Variants in EPN2 observed in about 807,000 individuals in gnomAD.
EPN2 encodes epsin 2.
A neutral mutation model predicts 61.7 loss-of-function variants in EPN2; 34 were observed. The observed-to-expected ratio is 0.55, with a 90% CI of 0.42 to 0.73. The LOEUF is 0.73. Among genes scored for constraint, EPN2 ranks in the 30% least tolerant of loss-of-function variants. The pLI is 0.00. For missense variants in EPN2, 714 were observed against 839.2 expected (o/e 0.85, Z 1.84); for synonymous variants, 349 against 353.6 (o/e 0.99, Z 0.15).
At position 19,283,557 on chromosome 17, in the gene EPN2, G is replaced by C; in HGVS notation, c.438G>C (p.Gln146His). The change falls in exon 3 of 11, where the codon CAG becomes CAC. Residue 146 changes from glutamine to histidine, a missense_variant. By Grantham distance (24) the Gln-to-His change is conservative. Coordinates refer to ENST00000314728, the MANE Select transcript of EPN2 (RefSeq NM_014964.5). This position sits in a 1 kb window ranked among gnomAD's most constrained non-coding sequence, Gnocchi z 7.0. ...DEERLKAERA[Q>H]ALKTKERMAQ... The stretch of plus-strand genomic sequence containing the variant: ...AACGGTTGAAGGCTGAGAGGGCCCA[G>C]GCTCTCAAAACCAAAGAGCGCATGG... 6.2e-7 allele frequency: 1 copy of C among 1,614,222 alleles called. No individual in the cohort carries two copies. The highest frequency in any genetic ancestry group is 8.5e-7 in the Non-Finnish European group (1 of 1,180,034).
rs183569765 is a variant in EPN2 at position 19,262,745 on chromosome 17, C to T, written c.-293-19210C>T. ...TGTACCCATTAAGCAGTCATTTCCC[C>T]TCCCATTCTCTCCAGCCCCTGGCAA... On this transcript the variant is annotated intron_variant, in intron 1 of 10. Coordinates refer to ENST00000314728, the MANE Select transcript of EPN2 (RefSeq NM_014964.5). Among the ~76,000 whole-genome samples the T allele has an allele frequency of 2.5e-3, 380 of 151,486 alleles. 4 individuals carry two copies. Among genetic ancestry groups the T allele is most frequent in the Admixed American group, 3.0e-3 (46 of 15,116 alleles).
intron 1 of EPN2, chr17:19,249,666 C>T (rs1203401910): frequency 6.6e-6 from 1 of 152,302 alleles, no homozygotes; most frequent in Non-Finnish European, 1.5e-5. Context: ...GTGGATTGAG[C>T]TCACAGATGT....
At chr17:19,331,729 C>A in intron 9 of EPN2, 124 bp from the exon 10 acceptor site, 1 of 753,844 alleles carries the variant, frequency 1.3e-6, no homozygotes, top group South Asian at 1.6e-5. Flanking sequence ...CCATGACTGG[C>A]TGTGTGTCGT....
intron 1 of EPN2, chr17:19,271,431 G>A (rs1486150429): frequency 1.3e-5 from 2 of 152,278 alleles, no homozygotes; most frequent in African/African-American, 4.8e-5. Flanking sequence ...TGCAGCATGT[G>A]GGTGGCACAT....
intron 4 of EPN2, among the ~76,000 whole-genome samples, chr17:19,295,900 C>T (rs1278816215): frequency 1.3e-5 from 2 of 152,172 alleles, no homozygotes; most frequent in African/African-American, 4.8e-5. Flanking sequence ...GGCTCTTCCT[C>T]CCCTCTCCCC....
intron 10 of EPN2, among the ~76,000 whole-genome samples, chr17:19,332,818 C>G (rs781074760): frequency 6.6e-6 from 1 of 152,244 alleles, no homozygotes; most frequent in Non-Finnish European, 1.5e-5. Context: ...CACCCAGCCC[C>G]CTTCCTCACG....
intron 1 of EPN2, among the ~76,000 whole-genome samples, chr17:19,239,631 C>G (rs2044861064): frequency 2.0e-5 from 3 of 152,190 alleles, no homozygotes; most frequent in Non-Finnish European, 4.4e-5. Context: ...AGGCATGATT[C>G]AGGACTGCGT....
chr17:19,335,274 C>A lies in EPN2; in HGVS notation c.*1020C>A. ...AATTACTAAACTGATTGACTTTCAG[C>A]CTTTTTGGCTAGATCCTGAGAGGCT... On this transcript the variant is annotated 3_prime_UTR_variant, in exon 11 of 11. Transcript: ENST00000314728. 3 of 856,400 alleles carry A rather than the reference C, an allele frequency of 3.5e-6. No homozygotes were observed. The highest frequency in any genetic ancestry group is 5.2e-6 in the Non-Finnish European group (3 of 579,228). The allele number at this position is 856,400 out of a possible 1,614,324, so 53.1% of individuals were successfully genotyped here. A position where few individuals can be genotyped will look rare whatever the true frequency, so the allele number is the denominator to read the frequency against.
At chr17:19,313,498 G>C (rs114193075) in intron 7 of EPN2, 510 of 431,198 alleles carry the variant, frequency 1.2e-3, no homozygotes, top group Non-Finnish European at 1.8e-3. Context: ...TCTGCTTTGG[G>C]AGAAGGAAAG....
At chr17:19,309,730 T>G (rs1007964409) in intron 4 of EPN2, among the ~76,000 whole-genome samples, 155 bp from the exon 5 acceptor site, 1 of 152,218 alleles carries the variant, frequency 6.6e-6, no homozygotes, top group Non-Finnish European at 1.5e-5. Flanking sequence ...TTCAAATATT[T>G]GTAAGCCTTT....
intron 1 of EPN2, chr17:19,258,138 G>T: frequency 6.1e-6 from 1 of 162,810 alleles, no homozygotes; most frequent in East Asian, 1.8e-4. Context: ...CACTGACTCA[G>T]GTGGCTGCTG....
At chr17:19,241,077 T>C (rs2044879646) in intron 1 of EPN2, among the ~76,000 whole-genome samples, 1 of 152,160 alleles carries the variant, frequency 6.6e-6, no homozygotes. Context: ...GTAAGTGATT[T>C]GAACAGATCT....
intron 4 of EPN2, among the ~76,000 whole-genome samples, chr17:19,295,660 GTTGT>G (rs1256150906): frequency 2.0e-5 from 3 of 152,210 alleles, no homozygotes; most frequent in Non-Finnish European, 4.4e-5. Context: ...ATTCATAGTT[GTTGT>G]TTTTGTTTAG....
chr17:19,313,163 C>T lies in EPN2; in HGVS notation c.1031C>T (p.Ser344Leu), dbSNP rs1024550109. 14 of 1,613,702 alleles carry T rather than the reference C, an allele frequency of 8.7e-6. No homozygotes were observed. Among genetic ancestry groups the T allele is most frequent in the Admixed American group, 3.3e-5 (2 of 59,964 alleles). ...GATTTAATGGATGCTCTCCCCAGCT[C>T]GGGCCCCGCGGCCCAGAAAGCAGAG... Reference protein sequence around the residue: ...LLDLMDALPSSGPAAQKAEPW... With the variant: ...LLDLMDALPSLGPAAQKAEPW... Residue 344 changes from serine (S) to leucine (L), a missense_variant, in exon 7 of 11, where the codon TCG becomes TTG. By Grantham distance (145) the Ser-to-Leu change is moderately radical. This residue lies in a region of EPN2 where 410 missense variants were observed against 421.8 expected (regional missense o/e 0.97). Coordinates refer to ENST00000314728, the MANE Select transcript of EPN2 (RefSeq NM_014964.5).
rs58087532 is a variant in EPN2, at chr17:19,289,724, G to GTTTTTTTTTTTTTTTTTTTTTTTTTT, written c.766+3954_766+3955insTTTTTTTTTTTTTTTTTTTTTTTTTT. ...TGTTCGGCCTCACCTGGCGCTCATG[G>GTTTTTTTTTTTTTTTTTTTTTTTTTT]TTTTTTTTTTTTTTTTTTTTGAGAT... On this transcript the variant is annotated intron_variant, in intron 4 of 10. Coordinates refer to ENST00000314728, the MANE Select transcript of EPN2 (RefSeq NM_014964.5). Among the ~76,000 whole-genome samples, 18 of 78,046 alleles carry GTTTTTTTTTTTTTTTTTTTTTTTTTT rather than the reference G, an allele frequency of 2.3e-4. 2 individuals carry two copies. The highest frequency in any genetic ancestry group is 3.7e-4 in the Admixed American group (2 of 5,352). 51.2% of individuals were successfully genotyped at this position (78,046 alleles called of 152,430 possible).
At chr17:19,270,353 T>C (rs1373948793) in intron 1 of EPN2, among the ~76,000 whole-genome samples, 1 of 152,180 alleles carries the variant, frequency 6.6e-6, no homozygotes, top group Non-Finnish European at 1.5e-5. Context: ...CAGGCAAGAT[T>C]GTTGATGGTT....
chr17:19,267,137 C>A (rs2045208118), intron 1 of EPN2, among the ~76,000 whole-genome samples: 2 of 151,816 alleles, frequency 1.3e-5, no homozygotes, highest in African/African-American at 4.8e-5. Context: ...CTGCGCCCGG[C>A]CTAAATGTTC....
intron 7 of EPN2, among the ~76,000 whole-genome samples, chr17:19,326,278 G>A (rs1243130732): frequency 6.6e-6 from 1 of 152,138 alleles, no homozygotes; most frequent in Non-Finnish European, 1.5e-5. Flanking sequence ...AACTTGACAA[G>A]ATGATTTTGA....
chr17:19,276,773 G>GTTTTTCTTTTTTTTTTTTTTTTT (rs370693392), intron 1 of EPN2, among the ~76,000 whole-genome samples: 8 of 119,322 alleles, frequency 6.7e-5, no homozygotes, highest in African/African-American at 3.3e-4. Flanking sequence ...ATGAGAATAA[G>GTTTTTCTTTTTTTTTTTTTTTTT]TTTTTTTTTT....
Sources: gnomAD v4.1 joint callset for allele counts (sites outside exome capture counted in the v4.1 genomes callset) on GRCh38, gnomAD v4.1.1 for gene constraint, gnomAD v4.1.1 regional missense constraint, Gnocchi (gnomAD v3.1) non-coding constraint, MANE v1.5 for transcripts, NCBI Gene and HGNC (gene_info 2026-07-23, HGNC 2026-07-21) for gene names.